Variants in ZBTB37 observed in about 807,000 individuals in gnomAD.
The protein encoded by ZBTB37 is zinc finger and BTB domain-containing protein 37.
ZBTB37 carries 15 observed loss-of-function variants against 37.7 expected under a neutral mutation model. The ratio of observed to expected loss-of-function variants is 0.40; its 90% CI spans 0.27 to 0.61. ZBTB37 has a LOEUF of 0.61. Among genes scored for constraint, ZBTB37 ranks in the 20% least tolerant of loss-of-function variants. ZBTB37 has a pLI of 0.44. For synonymous variants in ZBTB37, 231 were observed against 220.6 expected, an observed-to-expected ratio of 1.05 and a Z score of -0.42; for missense variants, 514 against 641.9, an observed-to-expected ratio of 0.80 and a Z score of 2.15.
chr1:173,870,720 A>G (rs1463387801), exon 3 of ZBTB37: 16 of 1,614,076 alleles, frequency 9.9e-6, no homozygotes, highest in Non-Finnish European at 1.3e-5. Flanking sequence ...CCCTTAGCCC[A>G]CGACATAATA....
chr1:173,877,232 A>G (rs1180396464), intron 4 of ZBTB37, among the ~76,000 whole-genome samples: 1 of 152,188 alleles, frequency 6.6e-6, no homozygotes, highest in African/African-American at 2.4e-5. Flanking sequence ...CATAAGACAG[A>G]CTAACAAATA....
chr1:173,878,728 G>C (rs957160977), intron 4 of ZBTB37, among the ~76,000 whole-genome samples: 5 of 152,196 alleles, frequency 3.3e-5, no homozygotes, highest in Admixed American at 2.6e-4. Context: ...AAGCAATCTT[G>C]TGGCTACTTT....
At chr1:173,870,130 T>G in intron 2 of ZBTB37, 70 bp from the exon 3 acceptor site, 1 of 1,090,202 alleles carries the variant, frequency 9.2e-7, no homozygotes. Flanking sequence ...TTTAAATACT[T>G]TTGAAATGGA....
downstream of ZBTB37, chr1:173,888,859 T>TGTCAATTCTCCTTCCAG (rs1656732271): frequency 6.6e-6 from 1 of 152,248 alleles, no homozygotes; most frequent in Non-Finnish European, 1.5e-5. Context: ...TTGCAGCATT[T>TGTCAATTCTCCTTCCAG]GTCAATTCTC....
intron 4 of ZBTB37, among the ~76,000 whole-genome samples, chr1:173,874,255 CAA>C (rs1285477473): frequency 2.8e-4 from 13 of 46,760 alleles, no homozygotes; most frequent in African/African-American, 3.3e-4. Context: ...AACTCCGTCT[CAA>C]AAAAAAAAAA....
exon 4 of ZBTB37, chr1:173,903,365 CGTT>C (rs933727160): frequency 3.2e-5 from 5 of 157,100 alleles, no homozygotes; most frequent in African/African-American, 1.2e-4. Flanking sequence ...AAAGCTTTCT[CGTT>C]GAACAGCTTT....
At chr1:173,881,439 G>A (rs1034928373) in intron 4 of ZBTB37, among the ~76,000 whole-genome samples, 1 of 152,204 alleles carries the variant, frequency 6.6e-6, no homozygotes, top group African/African-American at 2.4e-5. Flanking sequence ...CTTTATAGCA[G>A]CATGATTTAT....
chr1:173,868,685 T>TCCTGGCAGCTC (rs1655224768), intron 1 of ZBTB37: 1 of 151,654 alleles, frequency 6.6e-6, no homozygotes, highest in South Asian at 2.1e-4. Flanking sequence ...CACACCCACC[T>TCCTGGCAGCTC]CCTGGCAGCT....
upstream of ZBTB37, chr1:173,868,138 G>A: frequency 6.4e-6 from 1 of 156,142 alleles, no homozygotes; most frequent in Non-Finnish European, 1.4e-5. Flanking sequence ...CCTTAAGTCC[G>A]CCCCTTTTCC....
chr1:173,897,613 G>C (rs1392470671), exon 4 of ZBTB37: 1 of 152,166 alleles, frequency 6.6e-6, no homozygotes, highest in Non-Finnish European at 1.5e-5. Context: ...GTGTATGTGA[G>C]AAAAAGGTAT....
At chr1:173,893,246 C>T (rs990156050) in exon 4 of ZBTB37, 8 of 152,130 alleles carry the variant, frequency 5.3e-5, no homozygotes, top group African/African-American at 1.9e-4. Flanking sequence ...ATGGCCTACA[C>T]CATGATTTTA....
Position 173,882,539 on chromosome 1 carries a change from C to G in ZBTB37, c.1024-3097C>G, listed in dbSNP as rs377497260. Among the ~76,000 whole-genome samples the G allele has an allele frequency of 5.3e-5, 8 of 151,948 alleles. No individual in the cohort carries two copies. In the South Asian group the frequency reaches 1.0e-3, roughly 20 times the overall value. On this transcript the variant is annotated intron_variant, in intron 4 of 4. Transcript: ENST00000427304. ...ACAGGCATGAGCCACTGTGCCCAGCCCTGATGGTAGTTTCTTTTGCTGTGC... is the reference window on the plus strand; with the variant it reads ...ACAGGCATGAGCCACTGTGCCCAGCGCTGATGGTAGTTTCTTTTGCTGTGC...
At chr1:173,876,417 G>A (rs1572057229) in intron 4 of ZBTB37, among the ~76,000 whole-genome samples, 2 of 151,920 alleles carry the variant, frequency 1.3e-5, no homozygotes, top group Non-Finnish European at 1.5e-5. Flanking sequence ...TCTCTGGTTC[G>A]AGCAATTCTC....
At chr1:173,870,077 T>C (rs1371638846) in intron 2 of ZBTB37, 123 bp from the exon 3 acceptor site, 2 of 658,406 alleles carry the variant, frequency 3.0e-6, no homozygotes, top group Non-Finnish European at 4.9e-6. Context: ...AAGGAAGGTA[T>C]TTCTTTTATC....
exon 4 of ZBTB37, chr1:173,873,528 C>T (rs1655709256): frequency 6.2e-7 from 1 of 1,613,906 alleles, no homozygotes; most frequent in East Asian, 2.2e-5. Context: ...AAGTGAGTCT[C>T]CTGGGAGAAT....
At chr1:173,877,856 A>T (rs1263373561) in intron 4 of ZBTB37, among the ~76,000 whole-genome samples, 1 of 152,220 alleles carries the variant, frequency 6.6e-6, no homozygotes, top group Non-Finnish European at 1.5e-5. Context: ...ATATTGATAG[A>T]TTTGAAGAAC....
At chr1:173,870,685 A>C (rs758337961) in exon 3 of ZBTB37, 8 of 1,614,080 alleles carry the variant, frequency 5.0e-6, no homozygotes, top group Non-Finnish European at 6.8e-6. Flanking sequence ...AGAGTCTCAC[A>C]GGGTTACACC....
At chr1:173,885,423 G>A (rs889922033) in intron 4 of ZBTB37, among the ~76,000 whole-genome samples, 2 of 152,096 alleles carry the variant, frequency 1.3e-5, no homozygotes, top group African/African-American at 4.8e-5. Flanking sequence ...TAACTTTACT[G>A]TGTTGTTCTT....
intron 3 of ZBTB37, 39 bp from the exon 4 acceptor site, chr1:173,873,428 G>A (rs373414525): frequency 3.9e-6 from 6 of 1,542,782 alleles, no homozygotes; most frequent in Non-Finnish European, 5.3e-6. Context: ...CTTTGATGCT[G>A]CTTTTGTATT....
Sources: allele counts gnomAD v4.1 joint callset (sites outside exome capture counted in the v4.1 genomes callset), GRCh38; gene constraint gnomAD v4.1.1; transcripts MANE v1.5; gene names NCBI Gene and HGNC (gene_info 2026-07-23, HGNC 2026-07-21).